Variants in MYH10 observed in about 807,000 individuals in gnomAD.
The protein encoded by MYH10 is myosin heavy chain 10.
A neutral mutation model predicts 257.8 loss-of-function variants in MYH10; 55 were observed. That is an observed-to-expected ratio of 0.21 (90% CI 0.17 to 0.27). The LOEUF (loss-of-function observed/expected upper bound fraction) is 0.27. Ranked by LOEUF, MYH10 falls within the 10% of genes least tolerant of loss-of-function variation. The pLI, the probability that MYH10 is intolerant of heterozygous loss-of-function variation, is 1.00. For missense variants in MYH10, 1,631 were observed against 2,500.6 expected, an observed-to-expected ratio of 0.65 and a Z score of 7.42; for synonymous variants, 854 against 921.7, an observed-to-expected ratio of 0.93 and a Z score of 1.33.
intron 19 of MYH10, 45 bp from the exon 20 acceptor site, chr17:8,518,995 C>T (rs549792998): frequency 2.4e-5 from 34 of 1,431,584 alleles, no homozygotes; most frequent in South Asian, 7.4e-5. Context: ...AATTTGTGAA[C>T]GATGTGTATC....
chr17:8,557,020 G>A (rs187126782), intron 7 of MYH10, among the ~76,000 whole-genome samples: 6 of 152,164 alleles, frequency 3.9e-5, no homozygotes, highest in Non-Finnish European at 8.8e-5. Context: ...ATGGTGCCAG[G>A]CAGCTTGCCC....
intron 4 of MYH10, among the ~76,000 whole-genome samples, chr17:8,584,574 G>A (rs2083825709): frequency 6.6e-6 from 1 of 152,154 alleles, no homozygotes; most frequent in African/African-American, 2.4e-5. Context: ...GTGAGTTATA[G>A]TGTCTAGTGT....
chr17:8,582,413 T>C (rs1004727363), intron 4 of MYH10, among the ~76,000 whole-genome samples: 2 of 140,452 alleles, frequency 1.4e-5, no homozygotes, highest in African/African-American at 4.9e-5. Flanking sequence ...GAAGCAGTCT[T>C]ACACTTTAAG....
chr17:8,511,033 T>TAC (rs1323978785), intron 24 of MYH10: 149 of 12,080 alleles, frequency 0.012, 2 homozygotes, highest in South Asian at 0.061. Context: ...TATATATATA[T>TAC]ATATATATAT....
chr17:8,480,559 C>A (rs1913558858), intron 38 of MYH10, 34 bp from the exon 39 acceptor site: 3 of 1,600,614 alleles, frequency 1.9e-6, no homozygotes, highest in East Asian at 4.5e-5. Context: ...CGGTTCAATC[C>A]CAGCTCAGCA....
intron 4 of MYH10, among the ~76,000 whole-genome samples, chr17:8,580,703 C>T (rs1346278081): frequency 6.6e-6 from 1 of 152,094 alleles, no homozygotes; most frequent in Non-Finnish European, 1.5e-5. Context: ...AAAATAGTTT[C>T]TATTCATTCA....
chr17:8,489,743 A>ACACACACCCC (rs1437818172), intron 35 of MYH10, among the ~76,000 whole-genome samples: 114 of 150,260 alleles, frequency 7.6e-4, no homozygotes, highest in Non-Finnish European at 9.8e-4. Context: ...ACACACACAC[A>ACACACACCCC]CACCCCAAAT....
rs536814396 is a variant in MYH10, at chr17:8,608,170, T to G, written c.346-3188A>C. Reference sequence around the variant, plus strand: ...TTCGGATTTTGTCATCTATGGGTGATGAGGTATTGAAGGTTCAGGAGAGAA... The same window carrying G: ...TTCGGATTTTGTCATCTATGGGTGAGGAGGTATTGAAGGTTCAGGAGAGAA... On this transcript the variant is annotated intron_variant, in intron 2 of 42. Coordinates refer to ENST00000360416, the MANE Select transcript of MYH10 (RefSeq NM_001256012.3). Among the ~76,000 whole-genome samples the G allele has an allele frequency of 2.0e-5, 3 of 152,210 alleles. No individual in the cohort carries two copies. In the East Asian group the frequency reaches 5.8e-4, roughly 29 times the overall value.
intron 4 of MYH10, among the ~76,000 whole-genome samples, chr17:8,577,990 GCAAA>G (rs944524854): frequency 6.6e-6 from 1 of 152,160 alleles, no homozygotes; most frequent in African/African-American, 2.4e-5. Context: ...ATCTGGCACT[GCAAA>G]CAGAGAATCC....
intron 2 of MYH10, among the ~76,000 whole-genome samples, chr17:8,609,990 A>G (rs937521733): frequency 5.3e-5 from 8 of 152,100 alleles, no homozygotes; most frequent in Admixed American, 3.9e-4. Context: ...CGCAGAAGGA[A>G]TAATGGCACT....
Position 8,492,383 on chromosome 17 carries a change from C to T in MYH10, c.4585G>A (p.Ala1529Thr). The T allele has an allele frequency of 6.2e-7, 1 of 1,613,806 alleles. No individual in the cohort carries two copies. The highest frequency in any genetic ancestry group is 8.5e-7 in the Non-Finnish European group (1 of 1,180,040). Residue 1529 changes from alanine to threonine, a missense_variant, in exon 34 of 43, where the codon GCC (alanine) becomes ACC (threonine). Ala to Thr is a moderately conservative substitution (Grantham distance 58). Around this residue, in one of 11 missense-constraint regions of MYH10, gnomAD observed 463 missense variants for 621.8 expected, o/e 0.74. Coordinates refer to ENST00000360416, the MANE Select transcript of MYH10 (RefSeq NM_001256012.3). ...TTCTGCCTCTCAAACTCCTCCTTGGCCTCCAGGGCTTCCTCGAGGGCCCGG... is the reference window on the plus strand; with the variant it reads ...TTCTGCCTCTCAAACTCCTCCTTGGTCTCCAGGGCTTCCTCGAGGGCCCGG... ...LARALEEALE[A>T]KEEFERQNKQ...
chr17:8,511,025 T>TATATATATACAC (rs2081255151), intron 24 of MYH10: 1 of 4,222 alleles, frequency 2.4e-4, no homozygotes, highest in African/African-American at 2.9e-4. Context: ...CATATATATA[T>TATATATATACAC]ATATATATAT....
intron 19 of MYH10, among the ~76,000 whole-genome samples, chr17:8,519,677 T>C (rs1215357010): frequency 6.6e-6 from 1 of 151,932 alleles, no homozygotes; most frequent in East Asian, 1.9e-4. Context: ...AAGACACACA[T>C]GGACTGGAAA....
At chr17:8,497,072 G>C (rs143732114) in intron 30 of MYH10, among the ~76,000 whole-genome samples, 2 of 152,326 alleles carry the variant, frequency 1.3e-5, no homozygotes, top group Non-Finnish European at 2.9e-5. Context: ...GCTGGGAGAG[G>C]ACTCCTGGAA....
intron 27 of MYH10, among the ~76,000 whole-genome samples, 180 bp from the exon 28 acceptor site, chr17:8,505,086 A>G (rs2081032009): frequency 6.6e-6 from 1 of 152,160 alleles, no homozygotes; most frequent in South Asian, 2.1e-4. Flanking sequence ...GTTCTCAGGT[A>G]GAGGCCTTGC....
intron 40 of MYH10, among the ~76,000 whole-genome samples, chr17:8,479,258 TA>T (rs1913249311): frequency 6.6e-6 from 1 of 151,776 alleles, no homozygotes; most frequent in Admixed American, 6.6e-5. Flanking sequence ...ACAAACCCCC[TA>T]CACTCCCTCT....
chr17:8,626,686 G>A (rs2085696121), intron 1 of MYH10, among the ~76,000 whole-genome samples: 1 of 151,298 alleles, frequency 6.6e-6, no homozygotes, highest in South Asian at 2.1e-4. Flanking sequence ...GTAAATTTGA[G>A]AACAAATAAT....
intron 36 of MYH10, 34 bp downstream of exon 36, chr17:8,487,399 G>A: frequency 1.2e-6 from 2 of 1,612,314 alleles, no homozygotes; most frequent in Non-Finnish European, 1.7e-6. Flanking sequence ...GTCACGTGGT[G>A]CCATCCAGAG....
At chr17:8,603,906 T>TG (rs1248484211) in intron 3 of MYH10, among the ~76,000 whole-genome samples, 1 of 152,190 alleles carries the variant, frequency 6.6e-6, no homozygotes, top group African/African-American at 2.4e-5. Context: ...CTGTTTGCCC[T>TG]GGAAGATCTG....
Sources: allele counts gnomAD v4.1 joint callset (sites outside exome capture counted in the v4.1 genomes callset), GRCh38; gene constraint gnomAD v4.1.1; regional missense constraint gnomAD v4.1.1; transcripts MANE v1.5; gene names NCBI Gene and HGNC (gene_info 2026-07-23, HGNC 2026-07-21).